Variants in SCAPER observed in about 807,000 individuals in gnomAD.
SCAPER encodes the protein S-phase cyclin A associated protein in the ER.
A neutral mutation model predicts 182.2 loss-of-function variants in SCAPER; 98 were observed. The ratio of observed to expected loss-of-function variants is 0.54; its 90% confidence interval spans 0.46 to 0.64. The LOEUF (loss-of-function observed/expected upper bound fraction) is 0.64. Among genes scored for constraint, SCAPER ranks in the 30% least tolerant of loss-of-function variants. The pLI is 0.00. For synonymous variants in SCAPER, 605 were observed against 564.6 expected (o/e 1.07, Z -1.01); for missense variants, 1,432 against 1,690.0 (o/e 0.85, Z 2.68).
intron 15 of SCAPER, among the ~76,000 whole-genome samples, chr15:76,742,945 T>A: frequency 6.6e-6 from 1 of 152,070 alleles, no homozygotes; most frequent in Non-Finnish European, 1.5e-5. Context: ...GAACATTTCT[T>A]CTATAATTCT....
intron 27 of SCAPER, among the ~76,000 whole-genome samples, chr15:76,391,909 A>T (rs944143047): frequency 6.6e-6 from 1 of 152,228 alleles, no homozygotes; most frequent in Non-Finnish European, 1.5e-5. Flanking sequence ...AGAGGAAAAC[A>T]TCCCTTTGAT....
chr15:76,804,042 A>G (rs1000581456), intron 6 of SCAPER, among the ~76,000 whole-genome samples: 1 of 152,164 alleles, frequency 6.6e-6, no homozygotes, highest in African/African-American at 2.4e-5. Context: ...AAGAAGAAAT[A>G]CTGTATCTTT....
rs1251855044 is a variant in SCAPER at position 76,602,427 on chromosome 15, C to T, written c.2711+19337G>A. Among the ~76,000 whole-genome samples the T allele has an allele frequency of 4.2e-4, 51 of 121,358 alleles. 13 individuals are homozygous for T. Among genetic ancestry groups the T allele is most frequent in the Admixed American group, 3.8e-3 (40 of 10,564 alleles). The allele number at this position is 121,358 out of a possible 152,430, so 79.6% of individuals were successfully genotyped here. A position where few individuals can be genotyped will look rare whatever the true frequency, so the allele number is the denominator to read the frequency against. ...TGAGTTTTTTTCTAATCTTTGCTCC[C>T]ATATAGGTAAGGTGTTTCTTTCCCC... is the stretch of plus-strand genomic sequence containing the variant. On this transcript the variant is annotated intron_variant, in intron 22 of 31. Transcript: ENST00000563290.
rs535519816 is a variant in SCAPER at position 76,721,401 on chromosome 15, C to T, written c.2165+7194G>A. 2.4e-4 allele frequency among the ~76,000 whole-genome samples: 36 copies of T among 151,738 alleles called. No individual in the cohort carries two copies. In the East Asian group the frequency reaches 5.4e-3, roughly 23 times the overall value. On this transcript the variant is annotated intron_variant, in intron 17 of 31. Coordinates refer to ENST00000563290, the MANE Select transcript of SCAPER (RefSeq NM_020843.4). Reference sequence around the variant, plus strand: ...TTCTTTTGGCTTAGGATTGACTTGGCGATGCGGGCTCTTTTTTGGTTCCAT... The same window carrying T: ...TTCTTTTGGCTTAGGATTGACTTGGTGATGCGGGCTCTTTTTTGGTTCCAT...
At chr15:76,624,937 T>C (rs561245585) in intron 21 of SCAPER, among the ~76,000 whole-genome samples, 8 of 152,150 alleles carry the variant, frequency 5.3e-5, no homozygotes, top group Non-Finnish European at 1.2e-4. Flanking sequence ...TCCCAAATAG[T>C]TCACTCTCAT....
At chr15:76,536,513 A>C (rs951710762) in intron 23 of SCAPER, among the ~76,000 whole-genome samples, 1 of 152,218 alleles carries the variant, frequency 6.6e-6, no homozygotes, top group Admixed American at 6.5e-5. Context: ...CAATATTACA[A>C]AAGTGTTACA....
chr15:76,517,632 T>C (rs2042538302), intron 23 of SCAPER, among the ~76,000 whole-genome samples: 1 of 152,188 alleles, frequency 6.6e-6, no homozygotes, highest in Non-Finnish European at 1.5e-5. Context: ...ATTACAAGCG[T>C]AAGCCACCGT....
chr15:76,585,062 A>G (rs905131962), intron 22 of SCAPER, among the ~76,000 whole-genome samples: 3 of 152,198 alleles, frequency 2.0e-5, no homozygotes, highest in Admixed American at 6.5e-5. Context: ...CTCTAAAATC[A>G]AAAGTACCTA....
At chr15:76,551,841 T>A (rs762720514) in intron 23 of SCAPER, among the ~76,000 whole-genome samples, 2 of 152,210 alleles carry the variant, frequency 1.3e-5, no homozygotes, top group Non-Finnish European at 2.9e-5. Flanking sequence ...ATGAGTCAAT[T>A]ATATATAAAA....
chr15:76,620,295 T>G (rs974670175), intron 22 of SCAPER, among the ~76,000 whole-genome samples: 1 of 152,160 alleles, frequency 6.6e-6, no homozygotes, highest in Non-Finnish European at 1.5e-5. Context: ...TTAGCACACA[T>G]AGAGTCTAGC....
chr15:76,408,921 G>C (rs2045068050), intron 26 of SCAPER, among the ~76,000 whole-genome samples: 2 of 152,094 alleles, frequency 1.3e-5, no homozygotes, highest in Non-Finnish European at 2.9e-5. Flanking sequence ...AAGGAAGAAA[G>C]ACTACAAAAT....
intron 17 of SCAPER, among the ~76,000 whole-genome samples, chr15:76,720,476 T>C (rs1019888565): frequency 6.6e-5 from 10 of 152,220 alleles, no homozygotes; most frequent in Non-Finnish European, 1.5e-4. Context: ...ATGGTATTTC[T>C]AGTTCTAGAT....
chr15:76,610,415 G>C (rs2050870868), intron 22 of SCAPER, among the ~76,000 whole-genome samples: 1 of 152,286 alleles, frequency 6.6e-6, no homozygotes, highest in South Asian at 2.1e-4. Flanking sequence ...CTGCTATTGA[G>C]CACAGTTCTG....
intron 17 of SCAPER, among the ~76,000 whole-genome samples, chr15:76,713,333 T>C: frequency 6.6e-6 from 1 of 152,028 alleles, no homozygotes; most frequent in African/African-American, 2.4e-5. Flanking sequence ...TGCACACATA[T>C]GTTTATTGCG....
chr15:76,832,434 G>A (rs993619363), intron 5 of SCAPER, among the ~76,000 whole-genome samples: 2 of 152,152 alleles, frequency 1.3e-5, no homozygotes, highest in Non-Finnish European at 2.9e-5. Context: ...AAAGAAAAAG[G>A]AATTTTAAAA....
chr15:76,771,679 T>A, intron 10 of SCAPER, 63 bp downstream of exon 10: 1 of 1,218,264 alleles, frequency 8.2e-7, no homozygotes, highest in Non-Finnish European at 1.2e-6. Context: ...TTATTGGGGT[T>A]TATGCTTCTT....
chr15:76,463,945 C>A (rs1191547785), intron 25 of SCAPER, among the ~76,000 whole-genome samples: 1 of 149,946 alleles, frequency 6.7e-6, no homozygotes, highest in African/African-American at 2.5e-5. Flanking sequence ...CTGTTTAGAT[C>A]TTGCCCAACA....
chr15:76,875,904 G>A (rs562928075), intron 2 of SCAPER, among the ~76,000 whole-genome samples: 81 of 152,310 alleles, frequency 5.3e-4, no homozygotes, highest in Middle Eastern at 3.4e-3. Flanking sequence ...GGCTCGGGCC[G>A]CGCAGGACCC....
chr15:76,605,523 T>C (rs1274661847), intron 22 of SCAPER, among the ~76,000 whole-genome samples: 1 of 152,250 alleles, frequency 6.6e-6, no homozygotes, highest in Non-Finnish European at 1.5e-5. Flanking sequence ...GGTATCAGGT[T>C]GATACTGGCC....
Sources: gnomAD v4.1 joint callset for allele counts (sites outside exome capture counted in the v4.1 genomes callset) on GRCh38, gnomAD v4.1.1 for gene constraint, MANE v1.5 for transcripts, NCBI Gene and HGNC (gene_info 2026-07-23, HGNC 2026-07-21) for gene names.